Variants in RABGAP1L observed in about 807,000 individuals in gnomAD.
RABGAP1L encodes the protein RAB GTPase activating protein 1 like.
RABGAP1L carries 63 observed loss-of-function variants against 137.7 expected under a neutral mutation model. The observed-to-expected ratio is 0.46, with a 90% CI of 0.37 to 0.56. The LOEUF (loss-of-function observed/expected upper bound fraction) is 0.56. RABGAP1L is among the 20% of genes least tolerant of loss of function. RABGAP1L has a pLI of 0.00. For synonymous variants in RABGAP1L, 431 were observed against 433.7 expected, an observed-to-expected ratio of 0.99 and a Z score of 0.08; for missense variants, 1,095 against 1,244.0, an observed-to-expected ratio of 0.88 and a Z score of 1.80.
intron 13 of RABGAP1L, among the ~76,000 whole-genome samples, chr1:174,446,445 T>C (rs1213667374): frequency 1.3e-5 from 2 of 152,264 alleles, no homozygotes; most frequent in Non-Finnish European, 2.9e-5. Context: ...TTATTTCTAA[T>C]GCATGTTATT....
At chr1:174,524,002 A>G (rs947373390) in intron 13 of RABGAP1L, among the ~76,000 whole-genome samples, 1 of 152,194 alleles carries the variant, frequency 6.6e-6, no homozygotes, top group African/African-American at 2.4e-5. Context: ...TCCATTGTAT[A>G]TATGTACAAC....
intron 19 of RABGAP1L, chr1:174,897,010 A>C (rs548154290): frequency 6.6e-6 from 1 of 152,262 alleles, no homozygotes; most frequent in South Asian, 2.1e-4. Context: ...GATGGCATTG[A>C]ATCTGTAAAT....
At chr1:174,654,949 A>G (rs532103453) in intron 14 of RABGAP1L, among the ~76,000 whole-genome samples, 2 of 151,410 alleles carry the variant, frequency 1.3e-5, no homozygotes, top group Non-Finnish European at 2.9e-5. Flanking sequence ...TTTTAAACTC[A>G]TTTTTTATGA....
intron 13 of RABGAP1L, among the ~76,000 whole-genome samples, chr1:174,472,963 C>T (rs998678856): frequency 6.6e-6 from 1 of 152,114 alleles, no homozygotes; most frequent in African/African-American, 2.4e-5. Context: ...ATATTTTAAA[C>T]TAGAAAGGGA....
chr1:174,284,499 T>C (rs1158935422), intron 10 of RABGAP1L, among the ~76,000 whole-genome samples: 1 of 152,190 alleles, frequency 6.6e-6, no homozygotes, highest in African/African-American at 2.4e-5. Context: ...TTGACAGACA[T>C]GTTTCCATGT....
At chr1:174,230,826 C>CT (rs1256736602) in intron 3 of RABGAP1L, among the ~76,000 whole-genome samples, 2 of 151,998 alleles carry the variant, frequency 1.3e-5, no homozygotes, top group East Asian at 3.9e-4. Context: ...TACTTGTACT[C>CT]TATCTTTTTG....
intron 24 of RABGAP1L, among the ~76,000 whole-genome samples, chr1:174,988,074 G>T (rs140408848): frequency 0.018 from 2,734 of 152,318 alleles, 73 homozygotes; most frequent in African/African-American, 0.062. Flanking sequence ...CTCCCAAAGT[G>T]CTGGGATTAC....
intron 13 of RABGAP1L, among the ~76,000 whole-genome samples, chr1:174,403,361 C>T (rs1198139965): frequency 5.3e-5 from 8 of 151,408 alleles, no homozygotes; most frequent in Non-Finnish European, 4.4e-5. Context: ...GATCATAGTG[C>T]ACTGCAGTTC....
chr1:174,195,616 T>TCTTTCTCTTTCTTCCTTC (rs1234228992), intron 1 of RABGAP1L, among the ~76,000 whole-genome samples: 1 of 57,572 alleles, frequency 1.7e-5, no homozygotes, highest in Non-Finnish European at 3.9e-5. Context: ...TTTCTTTCTT[T>TCTTTCTCTTTCTTCCTTC]CTTCCTTCCT....
At chr1:174,601,500 G>T (rs955987069) in intron 13 of RABGAP1L, among the ~76,000 whole-genome samples, 1 of 151,598 alleles carries the variant, frequency 6.6e-6, no homozygotes, top group African/African-American at 2.4e-5. Context: ...CTGTCGTGGG[G>T]TTGGGGGCAG....
Position 174,980,012 on chromosome 1 carries a change from G to T in RABGAP1L, c.2733+1122G>T, listed in dbSNP as rs532448462. On this transcript the variant is annotated intron_variant, in intron 23 of 25. Transcript: ENST00000681986. ...GTTTTTTTGCTTATAAATTAAATTT[G>T]TGTTCTTGTGGAAAATTAGAATAGT... Among the ~76,000 whole-genome samples the T allele has an allele frequency of 2.0e-5, 3 of 152,206 alleles. No individual in the cohort carries two copies. The East Asian group carries it at 5.8e-4, about 29-fold the overall frequency.
At chr1:174,189,891 T>C (rs956835545) in intron 1 of RABGAP1L, among the ~76,000 whole-genome samples, 1 of 152,142 alleles carries the variant, frequency 6.6e-6, no homozygotes, top group African/African-American at 2.4e-5. Context: ...AGAATGAGAC[T>C]CTGTCTCCAA....
intron 14 of RABGAP1L, among the ~76,000 whole-genome samples, chr1:174,650,943 A>ATCTT (rs1675429486): frequency 7.0e-6 from 1 of 142,784 alleles, no homozygotes; most frequent in East Asian, 2.0e-4. Context: ...TCAATTTTGG[A>ATCTT]TCTTTCCTGC....
intron 13 of RABGAP1L, among the ~76,000 whole-genome samples, chr1:174,404,036 A>G (rs1302905704): frequency 6.6e-6 from 1 of 152,142 alleles, no homozygotes; most frequent in Non-Finnish European, 1.5e-5. Context: ...TGATTGATCA[A>G]CTTTTATGGG....
At chr1:174,310,261 C>T (rs144675233) in intron 11 of RABGAP1L, among the ~76,000 whole-genome samples, 94 of 152,042 alleles carry the variant, frequency 6.2e-4, no homozygotes, top group African/African-American at 1.6e-3. Flanking sequence ...GTGAATTTTC[C>T]GAAGCTTTTT....
chr1:174,246,724 A>G (rs1178194927), intron 5 of RABGAP1L, among the ~76,000 whole-genome samples: 2 of 152,184 alleles, frequency 1.3e-5, no homozygotes, highest in Non-Finnish European at 2.9e-5. Context: ...ACATCTATGC[A>G]TTTTGGTATC....
chr1:174,918,672 C>G (rs1442533692), intron 19 of RABGAP1L, among the ~76,000 whole-genome samples: 3 of 152,254 alleles, frequency 2.0e-5, no homozygotes, highest in Middle Eastern at 3.4e-3. Context: ...GTAGTCCCAG[C>G]TACCTGGGAG....
Position 174,649,239 on chromosome 1 carries a change from C to T in RABGAP1L, c.1824+11751C>T, listed in dbSNP as rs185910508. ...TTGTTACGTGTGAATTTGATCCTGT[C>T]GTTATGATGCTAGCTGGTTCTTTTG... is the stretch of plus-strand genomic sequence containing the variant. On this transcript the variant is annotated intron_variant, in intron 14 of 25. Coordinates refer to ENST00000681986, the MANE Select transcript of RABGAP1L (RefSeq NM_001366446.1). Among the ~76,000 whole-genome samples the T allele has an allele frequency of 1.7e-3, 253 of 152,198 alleles. 1 individual carries two copies. The highest frequency in any genetic ancestry group is 4.2e-3 in the African/African-American group (175 of 41,510).
At chr1:174,618,982 A>G (rs982770938) in intron 13 of RABGAP1L, among the ~76,000 whole-genome samples, 1 of 152,256 alleles carries the variant, frequency 6.6e-6, no homozygotes, top group African/African-American at 2.4e-5. Flanking sequence ...CATGAGAACT[A>G]CGTGACGAAT....
Sources: allele counts gnomAD v4.1 joint callset (sites outside exome capture counted in the v4.1 genomes callset), GRCh38; gene constraint gnomAD v4.1.1; transcripts MANE v1.5; gene names NCBI Gene and HGNC (gene_info 2026-07-23, HGNC 2026-07-21).